COL28A1: variants seen among roughly 807,000 people sequenced by gnomAD.
COL28A1 encodes the protein collagen alpha-1(XXVIII) chain.
Under a neutral mutation model 150.2 loss-of-function variants are expected in COL28A1, and 161 were observed. The observed-to-expected ratio is 1.07, with a 90% CI of 0.94 to 1.22. The LOEUF (loss-of-function observed/expected upper bound fraction) is 1.22, where lower values mean the gene tolerates loss of function less well. Ranked by LOEUF, COL28A1 falls within the 50% of genes most tolerant of loss-of-function variation. The pLI, the probability that COL28A1 is intolerant of heterozygous loss-of-function variation, is 0.00. For missense variants in COL28A1, 1,617 were observed against 1,388.3 expected (o/e 1.16, Z -2.62); for synonymous variants, 552 against 469.7 (o/e 1.18, Z -2.26).
At chr7:7,507,026 A>G (rs1432481466) in intron 10 of COL28A1, 91 bp downstream of exon 10, 3 of 709,072 alleles carry the variant, frequency 4.2e-6, no homozygotes, top group Admixed American at 2.3e-5. Context: ...TTCTGATTTA[A>G]CTGGCAGAGG....
intron 26 of COL28A1, 79 bp downstream of exon 26, chr7:7,419,806 C>T (rs1009366291): frequency 2.3e-6 from 2 of 879,382 alleles, no homozygotes; most frequent in Non-Finnish European, 3.3e-6. Flanking sequence ...AAGACGAACA[C>T]TTATTATGAA....
chr7:7,412,479 A>G (rs756853189), intron 27 of COL28A1, among the ~76,000 whole-genome samples: 3 of 152,148 alleles, frequency 2.0e-5, no homozygotes, highest in Admixed American at 1.3e-4. Flanking sequence ...CTTGAGTATT[A>G]GAATTCTAGG....
At position 7,432,569 on chromosome 7, in the gene COL28A1, G is replaced by A. The variant is rs753189824; in HGVS notation, c.1930-28C>T. On this transcript the variant is annotated intron_variant, in intron 24 of 34. Transcript: ENST00000399429. ...GAGATGACACAGTAAGGGAGGGAGTGAGCATCCTTGTAGTATGCAACACTC... is the reference window on the plus strand; with the variant it reads ...GAGATGACACAGTAAGGGAGGGAGTAAGCATCCTTGTAGTATGCAACACTC... 8.1e-6 allele frequency: 13 copies of A among 1,611,408 alleles called. No homozygotes were observed. The South Asian group carries it at 9.9e-5, about 12-fold the overall frequency.
At chr7:7,519,006 A>C (rs1176496640) in intron 6 of COL28A1, among the ~76,000 whole-genome samples, 1 of 152,174 alleles carries the variant, frequency 6.6e-6, no homozygotes, top group East Asian at 1.9e-4. Flanking sequence ...ATTTGATGCA[A>C]ATATTTCCTG....
intron 14 of COL28A1, among the ~76,000 whole-genome samples, chr7:7,475,369 A>AGTAT (rs1397492648): frequency 6.6e-6 from 1 of 152,224 alleles, no homozygotes; most frequent in Non-Finnish European, 1.5e-5. Context: ...TAGTACATAC[A>AGTAT]GAGAACACCC....
chr7:7,400,254 T>C (rs189038759), intron 27 of COL28A1, among the ~76,000 whole-genome samples: 194 of 152,310 alleles, frequency 1.3e-3, no homozygotes, highest in Non-Finnish European at 2.2e-3. Context: ...GTGATTATCC[T>C]GGATTATCCA....
chr7:7,532,935 A>G, intron 1 of COL28A1, 23 bp from the exon 2 acceptor site: 3 of 1,485,826 alleles, frequency 2.0e-6, no homozygotes, highest in Non-Finnish European at 2.7e-6. Context: ...AGTCAGTTAC[A>G]AATACTTTAA....
At chr7:7,471,125 T>TA (rs746981344) in intron 15 of COL28A1, among the ~76,000 whole-genome samples, 4,401 of 88,452 alleles carry the variant, frequency 0.05, 214 homozygotes, top group African/African-American at 0.15. Context: ...AAAAAATAAT[T>TA]AAAAAAAAAA....
At chr7:7,536,414 C>T (rs1470548215), upstream of COL28A1, among the ~76,000 whole-genome samples, 2 of 152,124 alleles carry the variant, frequency 1.3e-5, no homozygotes, top group Non-Finnish European at 2.9e-5. Flanking sequence ...CAGTTCCCCA[C>T]TTATGAAATG....
chr7:7,526,410 A>G (rs1782027223), intron 3 of COL28A1, among the ~76,000 whole-genome samples: 1 of 152,368 alleles, frequency 6.6e-6, no homozygotes, highest in South Asian at 2.1e-4. Flanking sequence ...AGATAGATAC[A>G]TACAATATGA....
intron 30 of COL28A1, among the ~76,000 whole-genome samples, chr7:7,378,954 A>G (rs1781716355): frequency 6.6e-6 from 1 of 152,140 alleles, no homozygotes; most frequent in Non-Finnish European, 1.5e-5. Flanking sequence ...GCTCTGTCCA[A>G]ATCCCCTGAA....
chr7:7,369,670 G>A (rs1403174588), intron 33 of COL28A1, among the ~76,000 whole-genome samples: 2 of 152,190 alleles, frequency 1.3e-5, no homozygotes, highest in Non-Finnish European at 1.5e-5. Context: ...AGAATCTAGT[G>A]AGTTCTATAG....
In COL28A1 at chr7:7,417,920, G is replaced by C. The variant is rs374558020; in HGVS notation, c.2075C>G (p.Thr692Ser). The part of the protein sequence containing the change: ...GVGTQGPKGD[T>S]GQKGLPGPPG... Reference sequence around the variant, plus strand: ...AGGGCCAGGCAAGCCTTTCTGCCCAGTATCACCCTGTTAGAAGATGGGGAG... The same window carrying C: ...AGGGCCAGGCAAGCCTTTCTGCCCACTATCACCCTGTTAGAAGATGGGGAG... Residue 692 changes from threonine (T) to serine (S), a missense_variant, in exon 27 of 35, where the codon ACT (threonine) becomes AGT (serine). Physicochemically the swap from Thr to Ser is moderately conservative, Grantham distance 58. Transcript: ENST00000399429. 7 of 1,607,784 alleles carry C rather than the reference G, an allele frequency of 4.4e-6. No homozygotes were observed. The highest frequency in any genetic ancestry group is 5.9e-6 in the Non-Finnish European group (7 of 1,178,050).
At chr7:7,340,017 G>A in the COL28A1 span, among the ~76,000 whole-genome samples, 2 of 151,986 alleles carry the variant, frequency 1.3e-5, no homozygotes, top group Non-Finnish European at 2.9e-5. Context: ...TTGAGACAAG[G>A]TCTCACTCTA....
chr7:7,447,499 G>C (rs565768527), intron 18 of COL28A1, among the ~76,000 whole-genome samples: 1 of 151,732 alleles, frequency 6.6e-6, no homozygotes, highest in Non-Finnish European at 1.5e-5. Context: ...ACTTTGTGTT[G>C]AGAAAAATCA....
intron 11 of COL28A1, among the ~76,000 whole-genome samples, chr7:7,494,949 C>A (rs975210761): frequency 2.0e-5 from 3 of 152,066 alleles, no homozygotes; most frequent in African/African-American, 7.2e-5. Context: ...GAAGAAAGAG[C>A]ATGAGGCTTA....
chr7:7,345,318 T>C, the COL28A1 span, among the ~76,000 whole-genome samples: 98,940 of 151,848 alleles, frequency 0.65, 34,461 homozygotes, highest in East Asian at 0.87. Context: ...TGGAAACCTA[T>C]TCAAGGCTTT....
chr7:7,501,289 A>G (rs1227850946), intron 11 of COL28A1, among the ~76,000 whole-genome samples: 1 of 152,186 alleles, frequency 6.6e-6, no homozygotes, highest in Non-Finnish European at 1.5e-5. Flanking sequence ...TAAATATACA[A>G]TACTGCAGTA....
chr7:7,462,318 GTTGT>G (rs1420270956), intron 15 of COL28A1, among the ~76,000 whole-genome samples: 1 of 152,100 alleles, frequency 6.6e-6, no homozygotes, highest in Non-Finnish European at 1.5e-5. Flanking sequence ...ACGAAACAAG[GTTGT>G]TTAACACCCC....
Sources: allele counts gnomAD v4.1 joint callset (sites outside exome capture counted in the v4.1 genomes callset), GRCh38; gene constraint gnomAD v4.1.1; transcripts MANE v1.5; gene names NCBI Gene and HGNC (gene_info 2026-07-23, HGNC 2026-07-21).